Variants in ZFHX3 observed in about 807,000 individuals in gnomAD.
ZFHX3 encodes zinc finger homeobox protein 3.
A neutral mutation model predicts 279.1 loss-of-function variants in ZFHX3; 42 were observed. That is an observed-to-expected ratio of 0.15 (90% CI 0.12 to 0.19). ZFHX3 has a LOEUF of 0.19. Ranked by LOEUF, ZFHX3 falls within the 10% of genes least tolerant of loss-of-function variation. The probability of loss-of-function intolerance (pLI) is 1.00; values close to 1 mark genes in which losing one functional copy is unlikely to be tolerated. For missense variants in ZFHX3, 4,981 were observed against 4,754.0 expected (o/e 1.05, Z -1.40); for synonymous variants, 2,293 against 1,957.8 (o/e 1.17, Z -4.52).
intron 4 of ZFHX3, among the ~76,000 whole-genome samples, chr16:73,300,783 C>T (rs1403493634): frequency 6.6e-6 from 1 of 152,218 alleles, no homozygotes; most frequent in East Asian, 1.9e-4. Flanking sequence ...GGATTACAGG[C>T]ATGAGCCACC....
chr16:73,377,186 G>A (rs975355810), intron 3 of ZFHX3, among the ~76,000 whole-genome samples: 3 of 152,048 alleles, frequency 2.0e-5, no homozygotes, highest in Admixed American at 6.6e-5. Flanking sequence ...TGGCCAGGCT[G>A]GTCTTGAACT....
rs879797106 is a variant in ZFHX3 at position 72,794,069 on chromosome 16, G to A, written c.8613C>T (p.Pro2871=). 1 of 1,614,092 alleles carries A rather than the reference G, an allele frequency of 6.2e-7. No homozygotes were observed. The highest frequency in any genetic ancestry group is 1.3e-5 in the African/African-American group (1 of 74,928). ...IATETKSSSA[P]NEGLTKAAMM... ...TGGCCGCTTTGGTCAACCCTTCGTT[G>A]GGTGCAGAAGAGGATTTGGTTTCAG... is the stretch of plus-strand genomic sequence containing the variant. The change falls in exon 9 of 10, where the codon CCC becomes CCT. Residue 2871 remains proline, a synonymous_variant. Coordinates refer to ENST00000268489, the MANE Select transcript of ZFHX3 (RefSeq NM_006885.4). The surrounding 1 kb of genome is among the most constrained non-coding windows in gnomAD (Gnocchi z 4.2).
chr16:72,820,696 G>T (rs993532896), intron 5 of ZFHX3, among the ~76,000 whole-genome samples: 3 of 152,152 alleles, frequency 2.0e-5, no homozygotes, highest in Admixed American at 2.0e-4. Context: ...ATGGTATCTT[G>T]TGAGGATGGG....
chr16:73,181,936 C>G (rs1475179933), intron 5 of ZFHX3, among the ~76,000 whole-genome samples: 1 of 152,096 alleles, frequency 6.6e-6, no homozygotes, highest in Non-Finnish European at 1.5e-5. Context: ...TTTCTTCACA[C>G]TGAGGAGAAG....
At chr16:73,242,180 A>C (rs1463357015) in intron 5 of ZFHX3, among the ~76,000 whole-genome samples, 1 of 152,182 alleles carries the variant, frequency 6.6e-6, no homozygotes, top group Non-Finnish European at 1.5e-5. Flanking sequence ...TACTTTATAG[A>C]GGAGAAAGTA....
chr16:73,175,560 AAC>A (rs1329161906), intron 5 of ZFHX3, among the ~76,000 whole-genome samples: 3 of 152,220 alleles, frequency 2.0e-5, no homozygotes, highest in Non-Finnish European at 4.4e-5. Flanking sequence ...TAAGTGCATT[AAC>A]ACACACAAAA....
chr16:73,090,742 A>G (rs1966064747), intron 8 of ZFHX3, among the ~76,000 whole-genome samples: 1 of 151,468 alleles, frequency 6.6e-6, no homozygotes, highest in Non-Finnish European at 1.5e-5. Context: ...AAAAAAACAA[A>G]ACAAAAAACA....
At chr16:73,088,535 C>A (rs1966036652) in intron 8 of ZFHX3, among the ~76,000 whole-genome samples, 1 of 152,158 alleles carries the variant, frequency 6.6e-6, no homozygotes. Context: ...TAAATGAATT[C>A]TATCTGCATG....
At chr16:73,453,773 T>C (rs947920460) in intron 3 of ZFHX3, among the ~76,000 whole-genome samples, 1 of 152,128 alleles carries the variant, frequency 6.6e-6, no homozygotes, top group East Asian at 1.9e-4. Context: ...TGGTGGAAGG[T>C]GAAAAGCATG....
At chr16:73,631,923 T>TCACACACACA (rs1335020758) in intron 2 of ZFHX3, among the ~76,000 whole-genome samples, 8 of 101,832 alleles carry the variant, frequency 7.9e-5, no homozygotes, top group Admixed American at 2.7e-4. Flanking sequence ...TCTCTCTCTC[T>TCACACACACA]CTCTCACACA....
At chr16:72,837,624 C>T (rs561631414) in intron 4 of ZFHX3, among the ~76,000 whole-genome samples, 1 of 151,974 alleles carries the variant, frequency 6.6e-6, no homozygotes, top group African/African-American at 2.4e-5. Context: ...TGCCACCACG[C>T]CTAGATAATT....
chr16:72,950,082 GAAA>G (rs66812068), intron 3 of ZFHX3, among the ~76,000 whole-genome samples: 12 of 136,160 alleles, frequency 8.8e-5, no homozygotes, highest in South Asian at 2.4e-4. Flanking sequence ...AGGAGAAATA[GAAA>G]AAAAAAAAAA....
At chr16:72,980,374 G>A (rs72795133) in intron 1 of ZFHX3, among the ~76,000 whole-genome samples, 2,806 of 152,254 alleles carry the variant, frequency 0.018, 45 homozygotes, top group Non-Finnish European at 0.027. Flanking sequence ...AGTTTCGTAT[G>A]GATGCCAGTT....
chr16:73,065,989 A>T (rs1467903087), intron 8 of ZFHX3, among the ~76,000 whole-genome samples: 1 of 152,218 alleles, frequency 6.6e-6, no homozygotes, highest in Non-Finnish European at 1.5e-5. Flanking sequence ...AGTGCAGGGC[A>T]GGGCGTGGCC....
intron 3 of ZFHX3, among the ~76,000 whole-genome samples, chr16:72,941,869 G>T (rs915145388): frequency 3.9e-5 from 6 of 152,132 alleles, no homozygotes; most frequent in African/African-American, 7.2e-5. Flanking sequence ...CCCGGCTGCT[G>T]TAAGTGCTAA....
intron 8 of ZFHX3, among the ~76,000 whole-genome samples, chr16:73,088,513 T>A (rs554076995): frequency 1.3e-5 from 2 of 152,208 alleles, no homozygotes; most frequent in South Asian, 4.2e-4. Context: ...GCCTAGAATA[T>A]AAGAAACCAC....
chr16:73,780,725 A>T lies in ZFHX3; in HGVS notation c.-1607-100485T>A, dbSNP rs547710889. 1.7e-4 allele frequency among the ~76,000 whole-genome samples: 26 copies of T among 152,330 alleles called. No individual in the cohort carries two copies. The South Asian group carries it at 5.4e-3, about 32-fold the overall frequency. On this transcript the variant is annotated intron_variant, in intron 1 of 17. Coordinates refer to the ZFHX3 transcript ENST00000641206. ...CCAAAGAGCTGGGATTACAGGCACGAGCCACTGTGCCTGGCCTCATTGCAG... is the reference window on the plus strand; with the variant it reads ...CCAAAGAGCTGGGATTACAGGCACGTGCCACTGTGCCTGGCCTCATTGCAG...
chr16:73,037,022 T>C (rs1964931683), intron 1 of ZFHX3, among the ~76,000 whole-genome samples: 2 of 151,864 alleles, frequency 1.3e-5, no homozygotes, highest in African/African-American at 4.8e-5. Context: ...TCCTTACTGC[T>C]GCGCAAATAA....
chr16:73,414,426 A>G (rs1019829781), intron 3 of ZFHX3, among the ~76,000 whole-genome samples: 6 of 152,246 alleles, frequency 3.9e-5, no homozygotes, highest in African/African-American at 9.6e-5. Flanking sequence ...AATCAGTAAC[A>G]CCAAATCTTC....
Sources: gnomAD v4.1 joint callset for allele counts (sites outside exome capture counted in the v4.1 genomes callset) on GRCh38, gnomAD v4.1.1 for gene constraint, Gnocchi (gnomAD v3.1) non-coding constraint, MANE v1.5 for transcripts, NCBI Gene and HGNC (gene_info 2026-07-23, HGNC 2026-07-21) for gene names.